TBC1D10B: variants seen among roughly 807,000 people sequenced by gnomAD.
TBC1D10B encodes the protein TBC1 domain family member 10B.
In TBC1D10B, 25 loss-of-function variants were observed where a neutral mutation model predicts 78.4. The ratio of observed to expected loss-of-function variants is 0.32; its 90% CI spans 0.23 to 0.45. The LOEUF is 0.45. Ranked by LOEUF, TBC1D10B falls within the 20% of genes least tolerant of loss-of-function variation. TBC1D10B has a pLI of 1.00. For synonymous variants in TBC1D10B, 517 were observed against 478.0 expected (o/e 1.08, Z -1.06); for missense variants, 996 against 1,104.8 (o/e 0.90, Z 1.40).
Position 30,370,144 on chromosome 16 carries a change from G to A in TBC1D10B, c.40C>T (p.Arg14Cys). The A allele has an allele frequency of 1.7e-6, 2 of 1,195,922 alleles. No individual in the cohort carries two copies. Among genetic ancestry groups the A allele is most frequent in the Non-Finnish European group, 2.1e-6 (2 of 964,868 alleles). 74.1% of individuals were successfully genotyped at this position (1,195,922 alleles called of 1,614,324 possible). A position where few individuals can be genotyped will look rare whatever the true frequency, so the allele number is the denominator to read the frequency against. ...GTAPLVAPPRRHGAPAAPSPP... is the reference protein window; with the variant it reads ...GTAPLVAPPRCHGAPAAPSPP... ...GAGGGGGCCGCGGGGGCGCCATGAC[G>A]GCGCGGCGGGGCCACCAGGGGCGCC... Residue 14 changes from arginine to cysteine, a missense_variant, in exon 1 of 9, where the codon CGT (arginine) becomes TGT (cysteine). Physicochemically the swap from Arg to Cys is radical, Grantham distance 180 (BLOSUM62 -3). Coordinates refer to ENST00000409939, the MANE Select transcript of TBC1D10B (RefSeq NM_015527.4).
Position 30,357,705 on chromosome 16 carries a change from G to T in TBC1D10B, c.*239C>A. 1.6e-6 allele frequency: 1 copy of T among 623,662 alleles called. No individual in the cohort carries two copies. The highest frequency in any genetic ancestry group is 2.1e-5 in the South Asian group (1 of 47,944). 38.6% of individuals were successfully genotyped at this position (623,662 alleles called of 1,614,324 possible). The stretch of plus-strand genomic sequence containing the variant: ...AGGAGGGGACCCAGAGGGAACTGGG[G>T]CAGGAGCGACAGAGACCCCAGCTGA... On this transcript the variant is annotated 3_prime_UTR_variant, in exon 9 of 9. Coordinates refer to ENST00000409939, the MANE Select transcript of TBC1D10B (RefSeq NM_015527.4).
chr16:30,362,321 C>G (rs2049604971), intron 4 of TBC1D10B, among the ~76,000 whole-genome samples: 1 of 152,178 alleles, frequency 6.6e-6, no homozygotes, highest in South Asian at 2.1e-4. Context: ...AATGACTTCT[C>G]CAGTGTTCAA....
chr16:30,359,150 G>A (rs2151100623), intron 7 of TBC1D10B, 22 bp downstream of exon 7: 1 of 1,595,650 alleles, frequency 6.3e-7, no homozygotes, highest in South Asian at 1.1e-5. Context: ...GCCCCTCATG[G>A]CCTGGAGGGC....
chr16:30,357,780 T>A lies in TBC1D10B; in HGVS notation c.*164A>T. ...AGACTCATTTGCAGCTGCCCATCTGTCCTGCCCGTGTAGGGATCAGCAGCT... is the reference window on the plus strand; with the variant it reads ...AGACTCATTTGCAGCTGCCCATCTGACCTGCCCGTGTAGGGATCAGCAGCT... On this transcript the variant is annotated 3_prime_UTR_variant, in exon 9 of 9. Transcript: ENST00000409939. 1.0e-6 allele frequency: 1 copy of A among 961,868 alleles called. No homozygotes were observed. Among genetic ancestry groups the A allele is most frequent in the Non-Finnish European group, 1.5e-6 (1 of 667,426 alleles). The allele number at this position is 961,868 out of a possible 1,614,324, so 59.6% of individuals were successfully genotyped here.
In TBC1D10B at chr16:30,369,579, G is replaced by A; in HGVS notation, c.605C>T (p.Thr202Ile). Residue 202 changes from threonine (T) to isoleucine (I), a missense_variant, in exon 1 of 9, where the codon ACA (threonine) becomes ATA (isoleucine). Around this residue, in one of 5 missense-constraint regions of TBC1D10B, gnomAD observed 448 missense variants for 442.1 expected, o/e 1.01. Transcript: ENST00000409939. This position sits in a 1 kb window ranked among gnomAD's most constrained non-coding sequence, Gnocchi z 4.3. ...AGGAGCCTGTCCTGCTGATGCTGAT[G>A]TTGCTGCGGCAGCTCCATGCCCACC... ...VTGGHGAAAATSASAGQAPED... is the reference protein window; with the variant it reads ...VTGGHGAAAAISASAGQAPED... 6.5e-7 allele frequency: 1 copy of A among 1,532,500 alleles called. No homozygotes were observed. The highest frequency in any genetic ancestry group is 8.8e-7 in the Non-Finnish European group (1 of 1,136,338). 94.9% of individuals were successfully genotyped at this position (1,532,500 alleles called of 1,614,324 possible).
In TBC1D10B at chr16:30,370,063, G is replaced by C; in HGVS notation, c.121C>G (p.Pro41Ala). 1 of 1,227,760 alleles carries C rather than the reference G, an allele frequency of 8.1e-7. No homozygotes were observed. The highest frequency in any genetic ancestry group is 1.6e-5 in the African/African-American group (1 of 64,212). 76.1% of individuals were successfully genotyped at this position (1,227,760 alleles called of 1,614,324 possible). A position where few individuals can be genotyped will look rare whatever the true frequency, so the allele number is the denominator to read the frequency against. Reference protein sequence around the residue: ...GPVVVVAPGPPVTTATSAPVT... With the variant: ...GPVVVVAPGPAVTTATSAPVT... ...GGGGCCGAAGTGGCCGTAGTCACTG[G>C]AGGTCCCGGAGCCACCACCACGACG... Residue 41 changes from proline to alanine, a missense_variant, in exon 1 of 9, where the codon CCA (proline) becomes GCA (alanine). Pro to Ala is a conservative substitution (Grantham distance 27, BLOSUM62 -1). This residue lies in a region of TBC1D10B where 448 missense variants were observed against 442.1 expected (regional missense o/e 1.01). Coordinates refer to ENST00000409939, the MANE Select transcript of TBC1D10B (RefSeq NM_015527.4).
chr16:30,369,967 C>T lies in TBC1D10B; in HGVS notation c.217G>A (p.Ala73Thr), dbSNP rs1207038322. ...VPGSAETSAP[A>T]PAPAPAPAPA... The stretch of plus-strand genomic sequence containing the variant: ...GCTGGGGCCGGGGCTGGGGCCGGGG[C>T]CGGAGCAGAGGTCTCGGCCGACCCC... Residue 73 changes from alanine to threonine, a missense_variant, in exon 1 of 9, where the codon GCC becomes ACC. By Grantham distance (58) the Ala-to-Thr change is moderately conservative. Transcript: ENST00000409939. This position sits in a 1 kb window ranked among gnomAD's most constrained non-coding sequence, Gnocchi z 4.3. The T allele has an allele frequency of 7.8e-7, 1 of 1,284,756 alleles. No homozygotes were observed. The allele number at this position is 1,284,756 out of a possible 1,614,324, so 79.6% of individuals were successfully genotyped here.
In TBC1D10B at chr16:30,370,250, C is replaced by A; in HGVS notation, c.-67G>T. On this transcript the variant is annotated 5_prime_UTR_variant, in exon 1 of 9. Transcript: ENST00000409939. ...CAGAAGGCGCCGCCCCTCGGGCCTC[C>A]CGGCGAGGCCAGCCGAGAAAGGGGA... 1 of 861,068 alleles carries A rather than the reference C, an allele frequency of 1.2e-6. No individual in the cohort carries two copies. The highest frequency in any genetic ancestry group is 1.5e-6 in the Non-Finnish European group (1 of 683,016). 53.3% of individuals were successfully genotyped at this position (861,068 alleles called of 1,614,324 possible). A position where few individuals can be genotyped will look rare whatever the true frequency, so the allele number is the denominator to read the frequency against.
At chr16:30,367,542 T>A (rs1182002634) in intron 1 of TBC1D10B, 1 of 152,186 alleles carries the variant, frequency 6.6e-6, no homozygotes, top group Non-Finnish European at 1.5e-5. Context: ...GCAGTGGGTA[T>A]CAGGGAAGCT....
At chr16:30,368,350 A>G (rs575982012) in intron 1 of TBC1D10B, among the ~76,000 whole-genome samples, 11 of 152,328 alleles carry the variant, frequency 7.2e-5, no homozygotes, top group Admixed American at 3.3e-4. Flanking sequence ...GAGGTCTTCT[A>G]TTGAAACCAA....
Position 30,364,946 on chromosome 16 carries a change from G to A in TBC1D10B, c.1225C>T (p.Arg409Cys). The A allele has an allele frequency of 6.2e-7, 1 of 1,613,082 alleles. No homozygotes were observed. ...AACATCTCGTGGAAAGGGAACTGGC[G>A]GTGCAGGTCCTTCTCAATCACATCC... The part of the protein sequence containing the change: ...WLDVIEKDLH[R>C]QFPFHEMFAA... The change falls in exon 4 of 9, where the codon CGC (arginine) becomes TGC (cysteine). Residue 409 changes from arginine to cysteine, a missense_variant. Physicochemically the swap from Arg to Cys is radical, Grantham distance 180 (BLOSUM62 -3). Coordinates refer to ENST00000409939, the MANE Select transcript of TBC1D10B (RefSeq NM_015527.4).
In TBC1D10B at chr16:30,370,233, G is replaced by C; in HGVS notation, c.-50C>G. The stretch of plus-strand genomic sequence containing the variant: ...CCCCGCCGGGGAGGCCGCAGAAGGC[G>C]CCGCCCCTCGGGCCTCCCGGCGAGG... On this transcript the variant is annotated 5_prime_UTR_variant, in exon 1 of 9. Coordinates refer to ENST00000409939, the MANE Select transcript of TBC1D10B (RefSeq NM_015527.4). 1 of 1,003,438 alleles carries C rather than the reference G, an allele frequency of 1.0e-6. No individual in the cohort carries two copies. Among genetic ancestry groups the C allele is most frequent in the Non-Finnish European group, 1.2e-6 (1 of 808,626 alleles). The allele number at this position is 1,003,438 out of a possible 1,614,324, so 62.2% of individuals were successfully genotyped here. A position where few individuals can be genotyped will look rare whatever the true frequency, so the allele number is the denominator to read the frequency against.
rs1029159575 is a variant in TBC1D10B, at chr16:30,369,175, C to G, written c.956+53G>C. ...AGTGTATCGTTTTCGTTTCGCCCTC[C>G]CCCAACCTTTGCTTCCCCGAGGCGG... On this transcript the variant is annotated intron_variant, in intron 1 of 8. Coordinates refer to ENST00000409939, the MANE Select transcript of TBC1D10B (RefSeq NM_015527.4). This position sits in a 1 kb window ranked among gnomAD's most constrained non-coding sequence, Gnocchi z 4.3. 6.7e-6 allele frequency: 10 copies of G among 1,495,736 alleles called. No homozygotes were observed. Among genetic ancestry groups the G allele is most frequent in the Non-Finnish European group, 8.9e-6 (10 of 1,118,758 alleles). 92.7% of individuals were successfully genotyped at this position (1,495,736 alleles called of 1,614,324 possible). A position where few individuals can be genotyped will look rare whatever the true frequency, so the allele number is the denominator to read the frequency against.
At position 30,370,185 on chromosome 16, in the gene TBC1D10B, G is replaced by A; in HGVS notation, c.-2C>T. On this transcript the variant is annotated 5_prime_UTR_variant, in exon 1 of 9. Coordinates refer to ENST00000409939, the MANE Select transcript of TBC1D10B (RefSeq NM_015527.4). ...CAGGGGCGCCGTGCCCGTCTCCATGGCCGCGGGCCGCCCCTCACATCCCCC... is the reference window on the plus strand; with the variant it reads ...CAGGGGCGCCGTGCCCGTCTCCATGACCGCGGGCCGCCCCTCACATCCCCC... The A allele has an allele frequency of 8.6e-7, 1 of 1,157,402 alleles. No homozygotes were observed. The highest frequency in any genetic ancestry group is 1.1e-6 in the Non-Finnish European group (1 of 939,492). The allele number at this position is 1,157,402 out of a possible 1,614,324, so 71.7% of individuals were successfully genotyped here.
At position 30,369,301 on chromosome 16, in the gene TBC1D10B, C is replaced by G; in HGVS notation, c.883G>C (p.Glu295Gln). 2 of 1,591,686 alleles carry G rather than the reference C, an allele frequency of 1.3e-6. No homozygotes were observed. The highest frequency in any genetic ancestry group is 1.7e-6 in the Non-Finnish European group (2 of 1,169,626). ...TTGCGCAGGGCCAGCCCGTTTATCT[C>G]TGAATCTGAGCCCATGGAGCTCACA... is the stretch of plus-strand genomic sequence containing the variant. ...DDVSSMGSDSEINGLALRKTD... is the reference protein window; with the variant it reads ...DDVSSMGSDSQINGLALRKTD... Residue 295 changes from glutamate (E) to glutamine (Q), a missense_variant, in exon 1 of 9, where the codon GAG (glutamate) becomes CAG (glutamine). Transcript: ENST00000409939. This position sits in a 1 kb window ranked among gnomAD's most constrained non-coding sequence, Gnocchi z 4.3.
rs1436450474 is a variant in TBC1D10B at position 30,369,887 on chromosome 16, T to G, written c.297A>C (p.Glu99Asp). ...CGGAGGGGAGCTGCGGCTTTGGGGC[T>G]TCGGGCGAGGCCTCCAGGGTCAGCA... ...VVVLTLEASPEAPKPQLPSGP... is the reference protein window; with the variant it reads ...VVVLTLEASPDAPKPQLPSGP... The change falls in exon 1 of 9, where the codon GAA (glutamate) becomes GAC (aspartate). Residue 99 changes from glutamate to aspartate, a missense_variant. Transcript: ENST00000409939. The surrounding 1 kb of genome is among the most constrained non-coding windows in gnomAD (Gnocchi z 4.3). 5.7e-6 allele frequency: 8 copies of G among 1,391,386 alleles called. No homozygotes were observed. Among genetic ancestry groups the G allele is most frequent in the Middle Eastern group, 1.9e-4 (1 of 5,264 alleles). 86.2% of individuals were successfully genotyped at this position (1,391,386 alleles called of 1,614,324 possible). A position where few individuals can be genotyped will look rare whatever the true frequency, so the allele number is the denominator to read the frequency against.
At position 30,365,923 on chromosome 16, in the gene TBC1D10B, T is replaced by C. The variant is rs1319194473; in HGVS notation, c.957-329A>G. 3.4e-6 allele frequency: 1 copy of C among 298,272 alleles called. No homozygotes were observed. Among genetic ancestry groups the C allele is most frequent in the Non-Finnish European group, 6.5e-6 (1 of 153,080 alleles). 18.5% of individuals were successfully genotyped at this position (298,272 alleles called of 1,614,324 possible). ...TTTACCATTTATTCATTGTGTGACC[T>C]TGGGCAAATCACTTAATTTTGCTAA... On this transcript the variant is annotated intron_variant, in intron 1 of 8. Transcript: ENST00000409939. The surrounding 1 kb of genome is among the most constrained non-coding windows in gnomAD (Gnocchi z 5.0).
chr16:30,360,078 G>A (rs963671137), intron 4 of TBC1D10B: 7 of 492,048 alleles, frequency 1.4e-5, no homozygotes, highest in South Asian at 5.6e-5. Flanking sequence ...CTGCACCCTC[G>A]CCCTCCTTCC....
Position 30,369,246 on chromosome 16 carries a change from C to T in TBC1D10B, c.938G>A (p.Ser313Asn). ...KTDKYGFLGG[S>N]QYSGSLESSI... ...TACTCACAGGCTGCCCGAGTACTGG[C>T]TGCCCCCAAGGAAGCCATACTTGTC... Residue 313 changes from serine to asparagine, a missense_variant, in exon 1 of 9, where the codon AGC (serine) becomes AAC (asparagine). This residue lies in a region of TBC1D10B where 448 missense variants were observed against 442.1 expected (regional missense o/e 1.01). Coordinates refer to ENST00000409939, the MANE Select transcript of TBC1D10B (RefSeq NM_015527.4). This position sits in a 1 kb window ranked among gnomAD's most constrained non-coding sequence, Gnocchi z 4.3. The T allele has an allele frequency of 6.3e-7, 1 of 1,581,204 alleles. No homozygotes were observed.
Sources: allele counts gnomAD v4.1 joint callset (sites outside exome capture counted in the v4.1 genomes callset), GRCh38; gene constraint gnomAD v4.1.1; regional missense constraint gnomAD v4.1.1; non-coding constraint Gnocchi (gnomAD v3.1); transcripts MANE v1.5; gene names NCBI Gene and HGNC (gene_info 2026-07-23, HGNC 2026-07-21).